Variants in RBM33 observed in about 807,000 individuals in gnomAD.
RBM33 encodes the protein RNA-binding protein 33.
A neutral mutation model predicts 132.6 loss-of-function variants in RBM33; 28 were observed. The observed-to-expected ratio is 0.21, with a 90% confidence interval of 0.16 to 0.29. RBM33 has a LOEUF of 0.29. Ranked by LOEUF, RBM33 falls within the 10% of genes least tolerant of loss-of-function variation. The probability of loss-of-function intolerance (pLI) is 1.00; values close to 1 mark genes in which losing one functional copy is unlikely to be tolerated. For missense variants in RBM33, 1,291 were observed against 1,518.5 expected (o/e 0.85, Z 2.49); for synonymous variants, 634 against 593.0 (o/e 1.07, Z -1.01).
chr7:155,707,985 T>G (rs1415693043), intron 7 of RBM33, among the ~76,000 whole-genome samples: 1 of 152,248 alleles, frequency 6.6e-6, no homozygotes, highest in Non-Finnish European at 1.5e-5. Context: ...GTTTTAGGGA[T>G]TGTATGGCTT....
At chr7:155,770,526 C>T (rs1238948172) in intron 16 of RBM33, among the ~76,000 whole-genome samples, 7 of 149,414 alleles carry the variant, frequency 4.7e-5, no homozygotes. Flanking sequence ...CAAGAATTTA[C>T]ATCTCTCATG....
intron 14 of RBM33, among the ~76,000 whole-genome samples, chr7:155,755,012 C>G (rs1002485497): frequency 7.2e-5 from 11 of 152,060 alleles, no homozygotes; most frequent in African/African-American, 2.7e-4. Context: ...TTTCTTTTAC[C>G]CCCTCTTCTT....
intron 9 of RBM33, among the ~76,000 whole-genome samples, chr7:155,729,962 A>G (rs1451024352): frequency 6.6e-6 from 1 of 152,080 alleles, no homozygotes; most frequent in African/African-American, 2.4e-5. Flanking sequence ...TCATTCAGCC[A>G]TTCAGCACCT....
At chr7:155,704,002 G>A (rs4132700) in intron 6 of RBM33, among the ~76,000 whole-genome samples, 46,974 of 151,900 alleles carry the variant, frequency 0.31, 7,496 homozygotes, top group Admixed American at 0.41. Flanking sequence ...CATTCTTTAA[G>A]AGGGAGAATC....
At chr7:155,699,812 G>A (rs1373623403) in intron 5 of RBM33, among the ~76,000 whole-genome samples, 2 of 152,016 alleles carry the variant, frequency 1.3e-5, no homozygotes, top group African/African-American at 4.8e-5. Flanking sequence ...TTTTTTTCTT[G>A]TGCATTTTCT....
intron 1 of RBM33, among the ~76,000 whole-genome samples, chr7:155,655,534 C>CGTTTTTTT (rs1554465866): frequency 1.2e-5 from 1 of 80,114 alleles, no homozygotes; most frequent in Non-Finnish European, 2.2e-5. Flanking sequence ...GGCTGTTTGC[C>CGTTTTTTT]TTTTTTTTTT....
Position 155,745,359 on chromosome 7 carries a change from T to C in RBM33, c.2736T>C (p.His912=). The change falls in exon 14 of 18, where the codon CAT becomes CAC. Residue 912 remains histidine (H), a synonymous_variant. Transcript: ENST00000401878. The surrounding 1 kb of genome is among the most constrained non-coding windows in gnomAD (Gnocchi z 4.1). ...YQGQQMKALK[H]LRQTRTVPQS... ...GACAACAGATGAAAGCACTGAAACA[T>C]TTGAGACAGACCAGAACAGTTCCTC... 6.2e-7 allele frequency: 1 copy of C among 1,613,214 alleles called. No homozygotes were observed. The highest frequency in any genetic ancestry group is 8.5e-7 in the Non-Finnish European group (1 of 1,179,544).
Position 155,745,293 on chromosome 7 carries a change from A to G in RBM33, c.2670A>G (p.Thr890=), listed in dbSNP as rs757401297. The G allele has an allele frequency of 3.1e-6, 5 of 1,612,886 alleles. No individual in the cohort carries two copies. In the East Asian group the frequency reaches 1.1e-4, roughly 36 times the overall value. Residue 890 remains threonine (T), a synonymous_variant, in exon 14 of 18, where the codon ACA becomes ACG. Transcript: ENST00000401878. This position sits in a 1 kb window ranked among gnomAD's most constrained non-coding sequence, Gnocchi z 4.1. ...DVSISNVQPK[T]SNFVPSSANM... ...GTATTTCAAACGTTCAGCCCAAAAC[A>G]TCCAATTTTGTACCATCCAGTGCCA...
chr7:155,717,167 G>A (rs2116988124), intron 8 of RBM33, among the ~76,000 whole-genome samples: 1 of 152,292 alleles, frequency 6.6e-6, no homozygotes, highest in South Asian at 2.1e-4. Flanking sequence ...CACCTGATGT[G>A]TACGAGTTTG....
At chr7:155,731,271 G>A (rs1185373298) in intron 9 of RBM33, among the ~76,000 whole-genome samples, 4 of 152,182 alleles carry the variant, frequency 2.6e-5, no homozygotes, top group Admixed American at 2.0e-4. Context: ...CAGCCGCATG[G>A]CCAGTGCTGT....
chr7:155,657,278 T>C (rs146431795), intron 1 of RBM33, among the ~76,000 whole-genome samples: 1 of 152,274 alleles, frequency 6.6e-6, no homozygotes, highest in Non-Finnish European at 1.5e-5. Context: ...TAAATTTCCT[T>C]CCGGAGTGCC....
At chr7:155,704,935 T>C (rs1393004930) in intron 6 of RBM33, among the ~76,000 whole-genome samples, 1 of 152,258 alleles carries the variant, frequency 6.6e-6, no homozygotes, top group Admixed American at 6.5e-5. Flanking sequence ...GCAGGGCCTT[T>C]AAAATTTTCT....
intron 1 of RBM33, among the ~76,000 whole-genome samples, chr7:155,647,317 CTGGTCTCTTGTATAGTAAG>C (rs1394468363): frequency 6.6e-6 from 1 of 152,184 alleles, no homozygotes; most frequent in Non-Finnish European, 1.5e-5. Flanking sequence ...TTGAAAATCA[CTGGTCTCTTGTATAGTAAG>C]TGGTTAGTAT....
rs765606216 is a variant in RBM33, at chr7:155,650,261, G to A, written c.43+5342G>A. Among the ~76,000 whole-genome samples the A allele has an allele frequency of 3.1e-4, 47 of 152,212 alleles. 2 individuals are homozygous for A. The highest frequency in any genetic ancestry group is 5.2e-4 in the Admixed American group (8 of 15,286). On this transcript the variant is annotated intron_variant, in intron 1 of 17. Transcript: ENST00000401878. ...TCACAATGCACAATCACAATTTTTT[G>A]AGGACAGGTTCTTATTGACCCCTTT...
chr7:155,769,687 T>TTACG (rs1802349097), intron 16 of RBM33, among the ~76,000 whole-genome samples: 1 of 152,122 alleles, frequency 6.6e-6, no homozygotes, highest in Admixed American at 6.5e-5. Flanking sequence ...GACAGCCCCT[T>TTACG]TACGTCTGGT....
chr7:155,680,144 G>C (rs1425522511), intron 4 of RBM33, among the ~76,000 whole-genome samples: 1 of 152,128 alleles, frequency 6.6e-6, no homozygotes. Context: ...TTCCGATTCT[G>C]ATTTTCTCCT....
At chr7:155,680,333 T>C (rs1416939960) in intron 4 of RBM33, among the ~76,000 whole-genome samples, 2 of 152,192 alleles carry the variant, frequency 1.3e-5, no homozygotes, top group Non-Finnish European at 1.5e-5. Flanking sequence ...TGGTGATAAG[T>C]AGAGGGGCTA....
chr7:155,673,940 G>GTTTTTTTTTTTTTTTT (rs71186053), intron 3 of RBM33, among the ~76,000 whole-genome samples: 16 of 54,192 alleles, frequency 3.0e-4, no homozygotes, highest in Non-Finnish European at 3.6e-4. Flanking sequence ...TTTAGGCTTA[G>GTTTTTTTTTTTTTTTT]TTTTTTTTTT....
intron 6 of RBM33, among the ~76,000 whole-genome samples, chr7:155,703,067 AT>A (rs779176261): frequency 5.3e-5 from 8 of 151,876 alleles, no homozygotes; most frequent in Non-Finnish European, 1.0e-4. Context: ...CAGCTGCGTT[AT>A]CTCATCCCTG....
Sources: gnomAD v4.1 joint callset for allele counts (sites outside exome capture counted in the v4.1 genomes callset) on GRCh38, gnomAD v4.1.1 for gene constraint, Gnocchi (gnomAD v3.1) non-coding constraint, MANE v1.5 for transcripts, NCBI Gene and HGNC (gene_info 2026-07-23, HGNC 2026-07-21) for gene names.